The following ZNF407 variants were observed in gnomAD, a reference collection of about 807,000 sequenced individuals.
The protein encoded by ZNF407 is zinc finger protein 407.
ZNF407 carries 17 observed loss-of-function variants against 131.2 expected under a neutral mutation model. The ratio of observed to expected loss-of-function variants is 0.13; its 90% confidence interval spans 0.09 to 0.19. The LOEUF (loss-of-function observed/expected upper bound fraction) is 0.19. Among genes scored for constraint, ZNF407 ranks in the 10% least tolerant of loss-of-function variants. The pLI is 1.00. For missense variants in ZNF407, 2,681 were observed against 2,830.6 expected, an observed-to-expected ratio of 0.95 and a Z score of 1.20; for synonymous variants, 1,156 against 1,062.0, an observed-to-expected ratio of 1.09 and a Z score of -1.72.
chr18:74,665,107 G>A (rs761541558), intron 3 of ZNF407, among the ~76,000 whole-genome samples: 2 of 152,216 alleles, frequency 1.3e-5, no homozygotes, highest in Non-Finnish European at 2.9e-5. Context: ...ATAGTGAACA[G>A]TAAATTCATT....
In ZNF407 at chr18:74,999,598, A is replaced by C. The variant is rs146441172; in HGVS notation, c.5429-63552A>C. On this transcript the variant is annotated intron_variant, in intron 8 of 8. Transcript: ENST00000299687. ...CCAGACTTTTAATTTCTTATTTTTG[A>C]ATCATTGTATTGAAGAATAACAGTG... 3.9e-4 allele frequency among the ~76,000 whole-genome samples: 59 copies of C among 152,326 alleles called. 1 individual carries two copies. The highest frequency in any genetic ancestry group is 1.2e-3 in the African/African-American group (49 of 41,578).
At chr18:74,980,357 G>A (rs537220448) in intron 8 of ZNF407, among the ~76,000 whole-genome samples, 1 of 151,802 alleles carries the variant, frequency 6.6e-6, no homozygotes, top group Admixed American at 6.6e-5. Flanking sequence ...GCCCAGGCTG[G>A]AGTGCAACGG....
chr18:75,001,318 T>C (rs575263106), intron 8 of ZNF407, among the ~76,000 whole-genome samples: 34 of 152,204 alleles, frequency 2.2e-4, no homozygotes, highest in Non-Finnish European at 4.4e-4. Flanking sequence ...TTATGAAATG[T>C]TTCTAATTTG....
At chr18:74,981,421 C>A (rs1972592294) in intron 8 of ZNF407, among the ~76,000 whole-genome samples, 1 of 152,134 alleles carries the variant, frequency 6.6e-6, no homozygotes, top group African/African-American at 2.4e-5. Context: ...CCGAGGGCCA[C>A]CAAGGAAAGT....
chr18:75,038,013 TAATC>T (rs1973329707), intron 8 of ZNF407, among the ~76,000 whole-genome samples: 1 of 152,236 alleles, frequency 6.6e-6, no homozygotes, highest in East Asian at 1.9e-4. Flanking sequence ...TATCCATAAT[TAATC>T]AGCAAATCAT....
rs117604652 is a variant in ZNF407 at position 74,853,533 on chromosome 18, A to G, written c.4878-23664A>G. On this transcript the variant is annotated intron_variant, in intron 4 of 8. Transcript: ENST00000299687. ...ATTATAGATTTTGGTTTGTAATTGA[A>G]TAGTTATTCTTTTTCATAAAGTTTT... Among the ~76,000 whole-genome samples, 5 of 152,308 alleles carry G rather than the reference A, an allele frequency of 3.3e-5. No homozygotes were observed. In the East Asian group the frequency reaches 9.6e-4, roughly 29 times the overall value.
chr18:74,898,932 C>A (rs1286825252), intron 7 of ZNF407, among the ~76,000 whole-genome samples: 2 of 152,154 alleles, frequency 1.3e-5, no homozygotes, highest in African/African-American at 4.8e-5. Flanking sequence ...AATCTAAAAA[C>A]CTCAGATATC....
intron 7 of ZNF407, chr18:74,905,199 A>C (rs760968862): frequency 3.9e-5 from 6 of 152,258 alleles, no homozygotes; most frequent in Non-Finnish European, 8.8e-5. Flanking sequence ...TTTGAAAGTA[A>C]AAAGTCAACA....
rs201154960 is a variant in ZNF407 at position 74,634,025 on chromosome 18, G to A, written c.3006G>A (p.Pro1002=). 32 of 1,613,990 alleles carry A rather than the reference G, an allele frequency of 2.0e-5. 1 individual carries two copies. The highest frequency in any genetic ancestry group is 3.3e-4 in the Middle Eastern group (2 of 6,060). The change falls in exon 2 of 9, where the codon CCG becomes CCA. Residue 1002 remains proline, a synonymous_variant. Transcript: ENST00000299687. ...ISSEPEDFAQ[P]GDVYSQRDVT... ...CAGAGCCAGAGGACTTCGCCCAGCCGGGGGATGTGTACTCCCAGAGAGATG... is the reference window on the plus strand; with the variant it reads ...CAGAGCCAGAGGACTTCGCCCAGCCAGGGGATGTGTACTCCCAGAGAGATG...
chr18:74,910,783 T>C (rs558706025), intron 7 of ZNF407, among the ~76,000 whole-genome samples: 1 of 152,224 alleles, frequency 6.6e-6, no homozygotes, highest in African/African-American at 2.4e-5. Flanking sequence ...TTTGTCTTTC[T>C]TGTCTTTGGC....
chr18:74,748,952 C>T (rs1004775980), intron 3 of ZNF407, among the ~76,000 whole-genome samples: 2 of 152,116 alleles, frequency 1.3e-5, no homozygotes, highest in African/African-American at 4.8e-5. Context: ...ATGAGGTCTT[C>T]ATGGGTGCTG....
chr18:74,934,079 C>G (rs1229863230), intron 8 of ZNF407, among the ~76,000 whole-genome samples: 2 of 152,006 alleles, frequency 1.3e-5, no homozygotes, highest in African/African-American at 4.8e-5. Context: ...GCTGCACAGA[C>G]TTGTTCACTC....
At chr18:74,902,391 C>G (rs1318399231) in intron 7 of ZNF407, among the ~76,000 whole-genome samples, 1 of 152,180 alleles carries the variant, frequency 6.6e-6, no homozygotes, top group Admixed American at 6.5e-5. Flanking sequence ...TCACACAGAA[C>G]AAGGGCTCGC....
intron 8 of ZNF407, among the ~76,000 whole-genome samples, chr18:75,011,702 A>G (rs1972976226): frequency 6.6e-6 from 1 of 152,192 alleles, no homozygotes; most frequent in African/African-American, 2.4e-5. Flanking sequence ...TCATGTCAAA[A>G]TAAGCTCTAC....
Position 74,920,701 on chromosome 18 carries a change from C to T in ZNF407, c.5428+9C>T. 6.3e-7 allele frequency: 1 copy of T among 1,587,096 alleles called. No individual in the cohort carries two copies. Among genetic ancestry groups the T allele is most frequent in the Non-Finnish European group, 8.6e-7 (1 of 1,159,278 alleles). ...CGCTTACCTGCATGCTGGTAAGGGACAGAAACTGTGAAAACTTGTTTCTAA... is the reference window on the plus strand; with the variant it reads ...CGCTTACCTGCATGCTGGTAAGGGATAGAAACTGTGAAAACTTGTTTCTAA... On this transcript the variant is annotated intron_variant, in intron 8 of 8. Coordinates refer to ENST00000299687, the MANE Select transcript of ZNF407 (RefSeq NM_017757.3).
chr18:74,849,064 T>A (rs1488247389), intron 4 of ZNF407, among the ~76,000 whole-genome samples: 1 of 144,434 alleles, frequency 6.9e-6, no homozygotes, highest in African/African-American at 2.5e-5. Flanking sequence ...TTTTTTTTTT[T>A]TTATTTTTTA....
intron 3 of ZNF407, among the ~76,000 whole-genome samples, chr18:74,665,417 G>A (rs766946913): frequency 2.6e-5 from 4 of 152,160 alleles, no homozygotes; most frequent in Non-Finnish European, 5.9e-5. Flanking sequence ...CATGGTGGTG[G>A]GGCAGGGAAG....
intron 3 of ZNF407, among the ~76,000 whole-genome samples, chr18:74,734,785 A>G (rs1473309257): frequency 1.3e-5 from 2 of 152,010 alleles, no homozygotes. Flanking sequence ...CAAGGCTGAC[A>G]TTTAGTTGAG....
At chr18:74,902,036 A>G (rs989214606) in intron 7 of ZNF407, among the ~76,000 whole-genome samples, 3 of 152,204 alleles carry the variant, frequency 2.0e-5, no homozygotes, top group African/African-American at 7.2e-5. Flanking sequence ...CTTCACTCAC[A>G]TGAGCCATAG....
Sources: gnomAD v4.1 joint callset for allele counts (sites outside exome capture counted in the v4.1 genomes callset) on GRCh38, gnomAD v4.1.1 for gene constraint, MANE v1.5 for transcripts, NCBI Gene and HGNC (gene_info 2026-07-23, HGNC 2026-07-21) for gene names.